Variants in ACACA observed in about 807,000 individuals in gnomAD.
The protein encoded by ACACA is acetyl-CoA carboxylase alpha.
Under a neutral mutation model 296.1 loss-of-function variants are expected in ACACA, and 103 were observed. The observed-to-expected ratio is 0.35, with a 90% CI of 0.30 to 0.41. ACACA has a LOEUF of 0.41. ACACA is among the 10% of genes least tolerant of loss of function. The probability of loss-of-function intolerance (pLI) is 1.00; values close to 1 mark genes in which losing one functional copy is unlikely to be tolerated. For missense variants in ACACA, 1,554 were observed against 2,989.7 expected, an observed-to-expected ratio of 0.52 and a Z score of 11.20; for synonymous variants, 953 against 1,038.6, an observed-to-expected ratio of 0.92 and a Z score of 1.58.
intron 25 of ACACA, among the ~76,000 whole-genome samples, chr17:37,226,807 T>C (rs2542653): frequency 0.22 from 32,749 of 152,044 alleles, 3,860 homozygotes; most frequent in Admixed American, 0.35. Flanking sequence ...AAGTTTTAAA[T>C]AACAGGGACT....
At chr17:37,284,486 C>T (rs765512361) in intron 4 of ACACA, among the ~76,000 whole-genome samples, 1 of 152,148 alleles carries the variant, frequency 6.6e-6, no homozygotes, top group Non-Finnish European at 1.5e-5. Flanking sequence ...CTGTCGCCCA[C>T]GTTGGAGTGC....
intron 12 of ACACA, 25 bp downstream of exon 12, chr17:37,259,335 T>C: frequency 6.2e-7 from 1 of 1,613,908 alleles, no homozygotes; most frequent in Non-Finnish European, 8.5e-7. Flanking sequence ...TTCTAGGCTC[T>C]GCAACCCAGA....
Position 37,283,423 on chromosome 17 carries a change from A to G in ACACA, c.472-18T>C. On this transcript the variant is annotated intron_variant, in intron 4 of 55. Transcript: ENST00000616317. ...ATAAGAACCTGGGAGGGGGAAGGAG[A>G]TGGGAATGGGAAGAAAAGGCAGAAA... 1 of 1,613,876 alleles carries G rather than the reference A, an allele frequency of 6.2e-7. No individual in the cohort carries two copies. Among genetic ancestry groups the G allele is most frequent in the African/African-American group, 1.3e-5 (1 of 75,028 alleles).
At chr17:37,187,613 G>C (rs921054013) in intron 39 of ACACA, among the ~76,000 whole-genome samples, 1 of 152,186 alleles carries the variant, frequency 6.6e-6, no homozygotes, top group Admixed American at 6.5e-5. Context: ...TTAGTGTACT[G>C]ACTCACTTTC....
intron 43 of ACACA, among the ~76,000 whole-genome samples, chr17:37,151,811 G>A (rs1221142786): frequency 3.3e-5 from 5 of 152,066 alleles, no homozygotes; most frequent in South Asian, 2.1e-4. Context: ...ACAGGCGCCC[G>A]CCACCACGCC....
At chr17:37,232,863 TATCCTCCTC>T (rs2079928086) in intron 25 of ACACA, among the ~76,000 whole-genome samples, 1 of 151,664 alleles carries the variant, frequency 6.6e-6, no homozygotes, top group African/African-American at 2.4e-5. Flanking sequence ...CAACCGTCCT[TATCCTCCTC>T]CTCCTCCTCC....
chr17:37,158,904 A>G (rs2076357551), intron 42 of ACACA, among the ~76,000 whole-genome samples: 1 of 152,004 alleles, frequency 6.6e-6, no homozygotes, highest in African/African-American at 2.4e-5. Context: ...CTGGCCAGGC[A>G]CAGTGGCTAA....
At chr17:37,278,087 C>A in intron 5 of ACACA, 82 bp from the exon 6 acceptor site, 1 of 1,009,410 alleles carries the variant, frequency 9.9e-7, no homozygotes, top group South Asian at 1.3e-5. Context: ...ACGTAAAGGT[C>A]AGGGACTATC....
chr17:37,319,844 C>G (rs917238648), intron 3 of ACACA, among the ~76,000 whole-genome samples: 38 of 152,164 alleles, frequency 2.5e-4, no homozygotes, highest in African/African-American at 9.2e-4. Context: ...CCCAGCTACT[C>G]AGGAGGCTGA....
chr17:37,375,527 T>C (rs887883450), intron 1 of ACACA, among the ~76,000 whole-genome samples: 1 of 152,058 alleles, frequency 6.6e-6, no homozygotes, highest in African/African-American at 2.4e-5. Flanking sequence ...TCTCAATTTA[T>C]AGAAGAGAAC....
At chr17:37,248,281 C>T (rs1029878995) in intron 17 of ACACA, 125 bp from the exon 18 acceptor site, 60 of 1,206,288 alleles carry the variant, frequency 5.0e-5, no homozygotes, top group Non-Finnish European at 6.8e-5. Flanking sequence ...GGCACTGATG[C>T]TATTTGCATC....
At chr17:37,239,318 G>T (rs925828440) in intron 24 of ACACA, among the ~76,000 whole-genome samples, 1 of 152,130 alleles carries the variant, frequency 6.6e-6, no homozygotes. Flanking sequence ...AATAATGGCA[G>T]ATATATTGCT....
chr17:37,173,955 A>C (rs1297790661), intron 41 of ACACA, among the ~76,000 whole-genome samples: 13 of 127,092 alleles, frequency 1.0e-4, no homozygotes, highest in African/African-American at 3.2e-4. Flanking sequence ...CTGGGATTAC[A>C]GGCGCCTGCC....
rs143211604 is a variant in ACACA at position 37,245,728 on chromosome 17, A to G, written c.2461-514T>C. Among the ~76,000 whole-genome samples, 5 of 152,160 alleles carry G rather than the reference A, an allele frequency of 3.3e-5. No homozygotes were observed. In the East Asian group the frequency reaches 5.8e-4, roughly 18 times the overall value. ...CAAAGACCCCCTAAGAGATCTCCCT[A>G]CTTGCTACATACCTCCCTCAAGGTC... On this transcript the variant is annotated intron_variant, in intron 19 of 55. Coordinates refer to ENST00000616317, the MANE Select transcript of ACACA (RefSeq NM_198834.3).
Position 37,097,686 on chromosome 17 carries a change from TA to T in ACACA, c.6720+143del. 9.8e-7 allele frequency: 1 copy of T among 1,018,656 alleles called. No individual in the cohort carries two copies. Among genetic ancestry groups the T allele is most frequent in the Non-Finnish European group, 1.4e-6 (1 of 696,750 alleles). 63.1% of individuals were successfully genotyped at this position (1,018,656 alleles called of 1,614,324 possible). On this transcript the variant is annotated intron_variant, in intron 53 of 55. Transcript: ENST00000616317. The surrounding 1 kb of genome is among the most constrained non-coding windows in gnomAD (Gnocchi z 4.8). ...AACAGTTACAGAAACAGTGAAAATC[TA>T]AAAAATATTGAAAATGTTTTGATCT...
At chr17:37,201,194 T>C (rs555731810) in intron 33 of ACACA, among the ~76,000 whole-genome samples, 12 of 152,128 alleles carry the variant, frequency 7.9e-5, no homozygotes, top group Non-Finnish European at 1.6e-4. Flanking sequence ...ATCCCAACAC[T>C]TTGTGGGGCC....
chr17:37,292,047 T>C (rs1188164580), intron 3 of ACACA, among the ~76,000 whole-genome samples: 2 of 152,106 alleles, frequency 1.3e-5, no homozygotes, highest in African/African-American at 4.8e-5. Context: ...AAAAATGTGC[T>C]TATGCATCTA....
At chr17:37,106,230 A>T (rs2142936758) in intron 52 of ACACA, among the ~76,000 whole-genome samples, 1 of 152,294 alleles carries the variant, frequency 6.6e-6, no homozygotes, top group East Asian at 1.9e-4. Flanking sequence ...TTCTTGAAAA[A>T]CTGCGTAAAT....
chr17:37,123,678 C>A (rs567014594), intron 48 of ACACA, among the ~76,000 whole-genome samples: 3 of 152,122 alleles, frequency 2.0e-5, no homozygotes, highest in Non-Finnish European at 4.4e-5. Flanking sequence ...AGACCACCCA[C>A]CCCCTTGTCA....
Sources: gnomAD v4.1 joint callset for allele counts (sites outside exome capture counted in the v4.1 genomes callset) on GRCh38, gnomAD v4.1.1 for gene constraint, Gnocchi (gnomAD v3.1) non-coding constraint, MANE v1.5 for transcripts, NCBI Gene and HGNC (gene_info 2026-07-23, HGNC 2026-07-21) for gene names.